EIF4EBP1: variants seen among roughly 807,000 people sequenced by gnomAD.
EIF4EBP1 encodes the protein eukaryotic translation initiation factor 4E binding protein 1.
Under a neutral mutation model 9.2 loss-of-function variants are expected in EIF4EBP1, and 5 were observed. That is an observed-to-expected ratio of 0.54 (90% CI 0.28 to 1.14). EIF4EBP1 has a LOEUF of 1.14. Among genes scored for constraint, EIF4EBP1 ranks in the 50% most tolerant of loss-of-function variants. The pLI is 0.09. For synonymous variants in EIF4EBP1, 62 were observed against 67.0 expected (o/e 0.93, Z 0.36); for missense variants, 139 against 169.6 (o/e 0.82, Z 1.00).
chr8:38,032,334 G>A (rs1809236974), intron 1 of EIF4EBP1, among the ~76,000 whole-genome samples: 1 of 151,928 alleles, frequency 6.6e-6, no homozygotes, highest in Non-Finnish European at 1.5e-5. Flanking sequence ...GCAACATAGT[G>A]AGACTCCATC....
intron 1 of EIF4EBP1, among the ~76,000 whole-genome samples, chr8:38,048,753 T>G (rs965611867): frequency 6.6e-6 from 1 of 152,068 alleles, no homozygotes. Context: ...GGCAGGAGGA[T>G]CATTTGAAAC....
chr8:38,033,240 A>AT (rs1376518417), intron 1 of EIF4EBP1, among the ~76,000 whole-genome samples: 3 of 151,074 alleles, frequency 2.0e-5, no homozygotes, highest in Admixed American at 6.6e-5. Context: ...TGATTTTTGT[A>AT]TTTTTTGGTA....
chr8:38,045,288 G>C (rs1419410987), intron 1 of EIF4EBP1, among the ~76,000 whole-genome samples: 1 of 152,128 alleles, frequency 6.6e-6, no homozygotes, highest in African/African-American at 2.4e-5. Context: ...CAAGCACTAT[G>C]CTATTTGTAC....
At chr8:38,036,802 C>T (rs111227978) in intron 1 of EIF4EBP1, among the ~76,000 whole-genome samples, 16 of 151,998 alleles carry the variant, frequency 1.1e-4, no homozygotes, top group African/African-American at 3.9e-4. Context: ...GCATGCACCA[C>T]CACAACCGGC....
chr8:38,031,326 A>G (rs1480272672), intron 1 of EIF4EBP1, among the ~76,000 whole-genome samples: 1 of 152,106 alleles, frequency 6.6e-6, no homozygotes, highest in African/African-American at 2.4e-5. Flanking sequence ...AGGGCTGTGC[A>G]GAAAAACACG....
At chr8:38,048,659 AC>A (rs1022497864) in intron 1 of EIF4EBP1, among the ~76,000 whole-genome samples, 3 of 152,122 alleles carry the variant, frequency 2.0e-5, no homozygotes, top group African/African-American at 7.2e-5. Context: ...TTGGCAGAAC[AC>A]ATCTTACTGT....
intron 1 of EIF4EBP1, among the ~76,000 whole-genome samples, chr8:38,038,571 C>T (rs750105374): frequency 6.7e-6 from 1 of 150,300 alleles, no homozygotes. Context: ...GGCATGATAT[C>T]GGCTCACTGC....
At chr8:38,057,307 A>G in intron 2 of EIF4EBP1, 47 bp downstream of exon 2, 1 of 1,542,130 alleles carries the variant, frequency 6.5e-7, no homozygotes, top group Non-Finnish European at 8.7e-7. Context: ...AAGGGAATGT[A>G]TGAGGCTCCT....
chr8:38,035,630 G>A (rs911564093), intron 1 of EIF4EBP1, among the ~76,000 whole-genome samples: 1 of 152,002 alleles, frequency 6.6e-6, no homozygotes, highest in African/African-American at 2.4e-5. Flanking sequence ...CCAGGTTCAG[G>A]CTGAGACAGG....
At chr8:38,046,683 C>CCAT (rs1218509431) in intron 1 of EIF4EBP1, among the ~76,000 whole-genome samples, 1 of 152,032 alleles carries the variant, frequency 6.6e-6, no homozygotes, top group Non-Finnish European at 1.5e-5. Flanking sequence ...GTTGGCACTA[C>CCAT]CATCATCATC....
intron 1 of EIF4EBP1, among the ~76,000 whole-genome samples, chr8:38,041,847 C>T (rs149243702): frequency 5.3e-5 from 8 of 152,174 alleles, no homozygotes; most frequent in African/African-American, 1.9e-4. Flanking sequence ...TTAAAACTAG[C>T]CAGGTGTAGC....
intron 1 of EIF4EBP1, among the ~76,000 whole-genome samples, chr8:38,039,792 A>G (rs1809352056): frequency 6.6e-6 from 1 of 152,194 alleles, no homozygotes; most frequent in Admixed American, 6.5e-5. Context: ...ATTTGTATTA[A>G]ACAGTATTGC....
chr8:38,039,822 A>G (rs1809352443), intron 1 of EIF4EBP1, among the ~76,000 whole-genome samples: 1 of 152,136 alleles, frequency 6.6e-6, no homozygotes, highest in Non-Finnish European at 1.5e-5. Flanking sequence ...TTGTCCCAAT[A>G]TTACCGAACA....
At chr8:38,051,264 G>A (rs1809519955) in intron 1 of EIF4EBP1, among the ~76,000 whole-genome samples, 2 of 152,052 alleles carry the variant, frequency 1.3e-5, no homozygotes, top group Non-Finnish European at 2.9e-5. Context: ...AGTGTCACCC[G>A]CTTCCTCCCC....
In EIF4EBP1 at chr8:38,030,622, G is replaced by A. The variant is rs1563412772; in HGVS notation, c.49G>A (p.Ala17Thr). 2 of 1,515,248 alleles carry A rather than the reference G, an allele frequency of 1.3e-6. No individual in the cohort carries two copies. Among genetic ancestry groups the A allele is most frequent in the South Asian group, 1.2e-5 (1 of 82,140 alleles). The allele number at this position is 1,515,248 out of a possible 1,614,324, so 93.9% of individuals were successfully genotyped here. ...CCAGACCCCAAGCCGGGCCATCCCCGCCACTCGCCGGGTGGTGCTCGGCGA... is the reference window on the plus strand; with the variant it reads ...CCAGACCCCAAGCCGGGCCATCCCCACCACTCGCCGGGTGGTGCTCGGCGA... ...CSQTPSRAIP[A>T]TRRVVLGDGV... is the part of the protein sequence containing the mutation. The change falls in exon 1 of 3, where the codon GCC becomes ACC. Residue 17 changes from alanine to threonine, a missense_variant. By Grantham distance (58) the Ala-to-Thr change is moderately conservative. Coordinates refer to ENST00000338825, the MANE Select transcript of EIF4EBP1 (RefSeq NM_004095.4).
chr8:38,049,381 A>G (rs532949044), intron 1 of EIF4EBP1, among the ~76,000 whole-genome samples: 5 of 152,042 alleles, frequency 3.3e-5, no homozygotes, highest in Admixed American at 1.3e-4. Context: ...GAATTTCACA[A>G]TGATGTTAAC....
At chr8:38,030,983 T>A (rs537148535) in intron 1 of EIF4EBP1, among the ~76,000 whole-genome samples, 1 of 152,222 alleles carries the variant, frequency 6.6e-6, no homozygotes, top group Non-Finnish European at 1.5e-5. Flanking sequence ...CACGCACGCC[T>A]CCAGGACAGC....
chr8:38,056,241 G>A (rs949435001), intron 1 of EIF4EBP1, among the ~76,000 whole-genome samples: 2 of 151,980 alleles, frequency 1.3e-5, no homozygotes, highest in South Asian at 2.1e-4. Context: ...GTCCTCCCAC[G>A]GTGGCCTCCC....
At chr8:38,050,051 C>G (rs1228985995) in intron 1 of EIF4EBP1, among the ~76,000 whole-genome samples, 1 of 151,796 alleles carries the variant, frequency 6.6e-6, no homozygotes, top group Non-Finnish European at 1.5e-5. Flanking sequence ...AGCTGGACTA[C>G]AGGTGTGCAC....
Sources: allele counts gnomAD v4.1 joint callset (sites outside exome capture counted in the v4.1 genomes callset), GRCh38; gene constraint gnomAD v4.1.1; transcripts MANE v1.5; gene names NCBI Gene and HGNC (gene_info 2026-07-23, HGNC 2026-07-21).